SLC22A24: variants seen among roughly 807,000 people sequenced by gnomAD.
SLC22A24 encodes steroid transmembrane transporter SLC22A24.
In SLC22A24, 53 loss-of-function variants were observed where a neutral mutation model predicts 49.8. The ratio of observed to expected loss-of-function variants is 1.06; its 90% CI spans 0.85 to 1.34. The LOEUF is 1.34. SLC22A24 is among the 40% of genes most tolerant of loss of function. The pLI, the probability that SLC22A24 is intolerant of heterozygous loss-of-function variation, is 0.00. For synonymous variants in SLC22A24, 302 were observed against 256.4 expected (o/e 1.18, Z -1.70); for missense variants, 786 against 675.9 (o/e 1.16, Z -1.81).
At chr11:63,110,307 C>G (rs1471873472) in intron 4 of SLC22A24, among the ~76,000 whole-genome samples, 2 of 152,132 alleles carry the variant, frequency 1.3e-5, no homozygotes, top group Non-Finnish European at 2.9e-5. Context: ...GTTCTTTTGG[C>G]TTAGGATTTA....
At chr11:63,107,788 C>T (rs1437769710) in intron 4 of SLC22A24, among the ~76,000 whole-genome samples, 1 of 152,028 alleles carries the variant, frequency 6.6e-6, no homozygotes, top group Non-Finnish European at 1.5e-5. Context: ...GATTTTGTAT[C>T]CTGAGACTTT....
At chr11:63,084,331 G>A (rs1027282336) in intron 6 of SLC22A24, among the ~76,000 whole-genome samples, 1 of 152,128 alleles carries the variant, frequency 6.6e-6, no homozygotes, top group Non-Finnish European at 1.5e-5. Context: ...ATAAGGTAGG[G>A]ATGCCTGTAT....
intron 5 of SLC22A24, among the ~76,000 whole-genome samples, chr11:63,101,517 T>C (rs1299559662): frequency 2.6e-5 from 4 of 152,032 alleles, no homozygotes; most frequent in African/African-American, 9.7e-5. Context: ...TAGCTTAATA[T>C]GGATCACTAC....
At chr11:63,110,933 C>A (rs1207820132) in intron 4 of SLC22A24, among the ~76,000 whole-genome samples, 1 of 151,608 alleles carries the variant, frequency 6.6e-6, no homozygotes, top group Non-Finnish European at 1.5e-5. Context: ...TGCCAGTTTT[C>A]AAAGGGAATG....
chr11:63,116,055 C>A (rs2087210791), intron 4 of SLC22A24: 2 of 348,026 alleles, frequency 5.7e-6, no homozygotes, highest in South Asian at 1.3e-4. Context: ...GTAGGCAAGT[C>A]AATCGAGCTT....
In SLC22A24 at chr11:63,144,028, A is replaced by T. The variant is rs1367163307; in HGVS notation, c.-249T>A. 3.0e-6 allele frequency: 1 copy of T among 334,036 alleles called. No individual in the cohort carries two copies. Among genetic ancestry groups the T allele is most frequent in the Non-Finnish European group, 5.4e-6 (1 of 184,936 alleles). The allele number at this position is 334,036 out of a possible 1,614,324, so 20.7% of individuals were successfully genotyped here. On this transcript the variant is annotated 5_prime_UTR_variant, in exon 1 of 10. The change creates a new upstream start codon in the 5' untranslated region. Coordinates refer to ENST00000612278, the MANE Select transcript of SLC22A24 (RefSeq NM_001136506.2). Reference sequence around the variant, plus strand: ...AAGTCACAGATATAATTATTTGGCAAAGAGACTGCTAGCTGTTGACAACTG... The same window carrying T: ...AAGTCACAGATATAATTATTTGGCATAGAGACTGCTAGCTGTTGACAACTG...
At chr11:63,133,026 G>T (rs773567163) in intron 2 of SLC22A24, among the ~76,000 whole-genome samples, 161 of 152,254 alleles carry the variant, frequency 1.1e-3, no homozygotes, top group Non-Finnish European at 1.6e-3. Flanking sequence ...AATGGTGGAT[G>T]CCCCTCCCCC....
At chr11:63,113,903 T>C (rs1473494058) in intron 4 of SLC22A24, among the ~76,000 whole-genome samples, 1 of 151,894 alleles carries the variant, frequency 6.6e-6, no homozygotes, top group Admixed American at 6.6e-5. Flanking sequence ...CTCTCTCTTC[T>C]GGCTTTTTGG....
chr11:63,109,540 C>T (rs12789770), intron 4 of SLC22A24, among the ~76,000 whole-genome samples: 92,896 of 134,748 alleles, frequency 0.69, 33,609 homozygotes, highest in East Asian at 0.89. Context: ...ATCGCCATTC[C>T]AACTGGTGTG....
At chr11:63,118,690 C>A in intron 4 of SLC22A24, 2 of 529,678 alleles carry the variant, frequency 3.8e-6, no homozygotes, top group Non-Finnish European at 6.7e-6. Flanking sequence ...AAAATAATTT[C>A]ATGATAATTC....
In SLC22A24 at chr11:63,119,082, T is replaced by C; in HGVS notation, c.662-2A>G. 6.5e-7 allele frequency: 1 copy of C among 1,545,268 alleles called. No homozygotes were observed. The highest frequency in any genetic ancestry group is 8.7e-7 in the Non-Finnish European group (1 of 1,143,054). ...ACCGGGGCAATGTCCACTCTAAGCCTGGAAGAAAACATATACATAGTAATA... is the reference window on the plus strand; with the variant it reads ...ACCGGGGCAATGTCCACTCTAAGCCCGGAAGAAAACATATACATAGTAATA... On this transcript the variant is annotated splice_acceptor_variant, in intron 3 of 9. Transcript: ENST00000612278. LOFTEE classifies it high-confidence loss of function.
At position 63,100,908 on chromosome 11, in the gene SLC22A24, A is replaced by G. The variant is rs183971942; in HGVS notation, c.954+3267T>C. ...AAAAAATCAAATCAAAATGGATTAA[A>G]TGCTTACATCTAAGATTGCAAACTA... On this transcript the variant is annotated intron_variant, in intron 5 of 9. Coordinates refer to ENST00000612278, the MANE Select transcript of SLC22A24 (RefSeq NM_001136506.2). Among the ~76,000 whole-genome samples, 4 of 152,282 alleles carry G rather than the reference A, an allele frequency of 2.6e-5. No homozygotes were observed. In the East Asian group the frequency reaches 5.8e-4, roughly 22 times the overall value.
Position 63,142,672 on chromosome 11 carries a change from G to A in SLC22A24, c.402+706C>T, listed in dbSNP as rs147607234. On this transcript the variant is annotated intron_variant, in intron 1 of 9. Transcript: ENST00000612278. ...GTGCTTGAGATATTTTGCAGATCCC[G>A]CACTTGATGGATCAGCTGTCACCAC... Among the ~76,000 whole-genome samples, 421 of 152,116 alleles carry A rather than the reference G, an allele frequency of 2.8e-3. 4 individuals carry two copies. In the South Asian group the frequency reaches 0.035, roughly 13 times the overall value.
Position 63,080,011 on chromosome 11 carries a change from G to A in SLC22A24, c.1599-11C>T, listed in dbSNP as rs764440410. 3.3e-6 allele frequency: 5 copies of A among 1,503,906 alleles called. No individual in the cohort carries two copies. The highest frequency in any genetic ancestry group is 9.1e-7 in the Non-Finnish European group (1 of 1,104,324). 93.2% of individuals were successfully genotyped at this position (1,503,906 alleles called of 1,614,324 possible). ...CTTGAATCTTTTCTGCTGAGAAATA[G>A]AAATGCAAACAAAAACAAGATTAAG... On this transcript the variant is annotated splice_polypyrimidine_tract_variant and intron_variant, in intron 9 of 9. Transcript: ENST00000612278.
chr11:63,096,621 G>A (rs1341529346), intron 5 of SLC22A24, among the ~76,000 whole-genome samples: 1 of 152,172 alleles, frequency 6.6e-6, no homozygotes, highest in African/African-American at 2.4e-5. Context: ...GTGTGCATGT[G>A]TCTTTATGGT....
intron 6 of SLC22A24, among the ~76,000 whole-genome samples, chr11:63,086,076 C>A (rs902000501): frequency 1.3e-5 from 2 of 152,168 alleles, no homozygotes; most frequent in East Asian, 3.9e-4. Context: ...AATGCTTATA[C>A]ACTGCTGGTG....
chr11:63,123,214 A>T (rs1230610686), intron 2 of SLC22A24, among the ~76,000 whole-genome samples: 1 of 152,154 alleles, frequency 6.6e-6, no homozygotes, highest in Admixed American at 6.5e-5. Context: ...TGCATAATGA[A>T]TATTATGCAC....
intron 5 of SLC22A24, among the ~76,000 whole-genome samples, chr11:63,098,291 A>G (rs568960986): frequency 6.6e-6 from 1 of 152,314 alleles, no homozygotes; most frequent in Non-Finnish European, 1.5e-5. Flanking sequence ...TGGACACACA[A>G]CATACCAAAA....
chr11:63,107,337 T>C (rs1325534414), intron 4 of SLC22A24, among the ~76,000 whole-genome samples: 1 of 152,198 alleles, frequency 6.6e-6, no homozygotes, highest in Admixed American at 6.5e-5. Context: ...TACTGTAGCC[T>C]TGTAGTGTAG....
Sources: allele counts gnomAD v4.1 joint callset (sites outside exome capture counted in the v4.1 genomes callset), GRCh38; gene constraint gnomAD v4.1.1; transcripts MANE v1.5; gene names NCBI Gene and HGNC (gene_info 2026-07-23, HGNC 2026-07-21).